Variants in MAPK6 observed in about 807,000 individuals in gnomAD.
The protein encoded by MAPK6 is ERK-3.
In MAPK6, 19 loss-of-function variants were observed where a neutral mutation model predicts 59.3. That is an observed-to-expected ratio of 0.32 (90% confidence interval 0.22 to 0.47). The LOEUF is 0.47. Among genes scored for constraint, MAPK6 ranks in the 20% least tolerant of loss-of-function variants. MAPK6 has a pLI of 1.00. For missense variants in MAPK6, 724 were observed against 847.9 expected (o/e 0.85, Z 1.81); for synonymous variants, 316 against 290.3 (o/e 1.09, Z -0.90).
chr15:51,976,653 T>C (rs1208343196), intron 1 of MAPK6, among the ~76,000 whole-genome samples: 2 of 151,548 alleles, frequency 1.3e-5, no homozygotes, highest in African/African-American at 2.4e-5. Context: ...GTCTTTAAAA[T>C]CCTGAAGGAG....
chr15:52,031,121 C>T (rs1182450986), intron 1 of MAPK6, among the ~76,000 whole-genome samples: 2 of 152,068 alleles, frequency 1.3e-5, no homozygotes, highest in East Asian at 3.9e-4. Context: ...AGTAGAGAGA[C>T]AGGGTTTCCC....
intron 3 of MAPK6, 105 bp from the exon 4 acceptor site, chr15:52,058,527 CT>C (rs1355449442): frequency 3.1e-5 from 29 of 935,728 alleles, no homozygotes; most frequent in Non-Finnish European, 4.2e-5. Flanking sequence ...ACAATTCAAA[CT>C]TTTCCCCCCA....
intron 1 of MAPK6, among the ~76,000 whole-genome samples, chr15:51,982,984 G>T (rs2057179172): frequency 6.6e-6 from 1 of 152,114 alleles, no homozygotes. Context: ...ATGATTCATA[G>T]TGATGTATGG....
chr15:51,977,295 G>A (rs963801172), intron 1 of MAPK6, among the ~76,000 whole-genome samples: 2 of 151,508 alleles, frequency 1.3e-5, no homozygotes, highest in African/African-American at 2.4e-5. Context: ...GAGCCACTGC[G>A]CCCGGCCGAT....
At chr15:52,063,660 A>G (rs1393736543) in intron 5 of MAPK6, among the ~76,000 whole-genome samples, 1 of 152,174 alleles carries the variant, frequency 6.6e-6, no homozygotes, top group Admixed American at 6.5e-5. Context: ...TTTTGTTTGC[A>G]TGGAACTGGT....
chr15:52,007,292 T>A (rs1424478111), intron 3 of MAPK6, among the ~76,000 whole-genome samples: 1 of 151,774 alleles, frequency 6.6e-6, no homozygotes, highest in African/African-American at 2.4e-5. Context: ...AGGTGGGGAG[T>A]CTGTCCCTGA....
intron 1 of MAPK6, among the ~76,000 whole-genome samples, chr15:51,972,480 C>G (rs912022722): frequency 6.6e-6 from 1 of 150,822 alleles, no homozygotes; most frequent in Non-Finnish European, 1.5e-5. Context: ...GTTACTAATT[C>G]ATTTAAAAAT....
chr15:52,022,624 T>A (rs570532890), intron 1 of MAPK6, among the ~76,000 whole-genome samples: 1 of 152,082 alleles, frequency 6.6e-6, no homozygotes, highest in South Asian at 2.1e-4. Flanking sequence ...TATTGCATGA[T>A]TTATACCTAG....
chr15:52,047,427 C>T (rs2031628312), intron 2 of MAPK6, among the ~76,000 whole-genome samples: 1 of 152,128 alleles, frequency 6.6e-6, no homozygotes, highest in African/African-American at 2.4e-5. Context: ...CTCACTGCAA[C>T]CTTCATCCCC....
intron 3 of MAPK6, among the ~76,000 whole-genome samples, chr15:52,055,224 A>G (rs1056426380): frequency 1.3e-5 from 2 of 152,208 alleles, no homozygotes; most frequent in Admixed American, 1.3e-4. Flanking sequence ...CCTGGGCAGC[A>G]TAGTGAGACC....
At chr15:52,008,653 T>C (rs1306441630) in intron 3 of MAPK6, among the ~76,000 whole-genome samples, 2 of 152,214 alleles carry the variant, frequency 1.3e-5, no homozygotes, top group African/African-American at 4.8e-5. Flanking sequence ...ATCAGGAATG[T>C]CAAGATGGTC....
intron 2 of MAPK6, among the ~76,000 whole-genome samples, chr15:51,996,397 G>A (rs1398287453): frequency 1.3e-5 from 2 of 151,926 alleles, no homozygotes; most frequent in Non-Finnish European, 2.9e-5. Flanking sequence ...ATTTATTTAT[G>A]TATTTATTAT....
chr15:52,062,393 G>A, intron 5 of MAPK6, among the ~76,000 whole-genome samples: 1 of 152,164 alleles, frequency 6.6e-6, no homozygotes, highest in Non-Finnish European at 1.5e-5. Flanking sequence ...TTCAGTAAAA[G>A]AGACTTTTTT....
chr15:52,036,403 A>G (rs1408946243), intron 1 of MAPK6, among the ~76,000 whole-genome samples: 2 of 152,136 alleles, frequency 1.3e-5, no homozygotes, highest in African/African-American at 2.4e-5. Flanking sequence ...TATTTCTTAC[A>G]GTTCTGGAGG....
chr15:52,055,416 CAAATT>C (rs1302257582), intron 3 of MAPK6, among the ~76,000 whole-genome samples: 3 of 152,192 alleles, frequency 2.0e-5, no homozygotes, highest in Non-Finnish European at 4.4e-5. Flanking sequence ...AGAACAAAAA[CAAATT>C]TAAGTCTATA....
chr15:52,013,308 C>T (rs2030145960), intron 3 of MAPK6, among the ~76,000 whole-genome samples: 1 of 151,760 alleles, frequency 6.6e-6, no homozygotes, highest in African/African-American at 2.4e-5. Flanking sequence ...TCATGATGAC[C>T]TCTTACATCT....
chr15:51,993,624 G>A (rs934575022), intron 2 of MAPK6, among the ~76,000 whole-genome samples: 1 of 151,992 alleles, frequency 6.6e-6, no homozygotes, highest in African/African-American at 2.4e-5. Flanking sequence ...ATGTAAATGT[G>A]TGTATATGTA....
At chr15:52,059,434 C>T (rs925668052) in intron 4 of MAPK6, among the ~76,000 whole-genome samples, 4 of 152,178 alleles carry the variant, frequency 2.6e-5, no homozygotes, top group African/African-American at 4.8e-5. Context: ...GGCCAAGGAG[C>T]ACTTTTAAAA....
chr15:52,006,860 G>A (rs1025166929), intron 3 of MAPK6, among the ~76,000 whole-genome samples: 16 of 152,078 alleles, frequency 1.1e-4, no homozygotes, highest in African/African-American at 3.9e-4. Flanking sequence ...GCACTTCTAA[G>A]CTAGGAAGGT....
Sources: allele counts gnomAD v4.1 joint callset (sites outside exome capture counted in the v4.1 genomes callset), GRCh38; gene constraint gnomAD v4.1.1; transcripts MANE v1.5; gene names NCBI Gene and HGNC (gene_info 2026-07-23, HGNC 2026-07-21).